The following PLAT variants were observed in gnomAD, a reference collection of about 807,000 sequenced individuals.
PLAT encodes tissue-type plasminogen activator.
Under a neutral mutation model 74.9 loss-of-function variants are expected in PLAT, and 48 were observed. The observed-to-expected ratio is 0.64, with a 90% CI of 0.51 to 0.82. The LOEUF (loss-of-function observed/expected upper bound fraction) is 0.82, where lower values mean the gene tolerates loss of function less well. Ranked by LOEUF, PLAT falls within the 40% of genes least tolerant of loss-of-function variation. PLAT has a pLI of 0.00. For synonymous variants in PLAT, 307 were observed against 294.4 expected (o/e 1.04, Z -0.44); for missense variants, 673 against 736.2 (o/e 0.91, Z 0.99).
chr8:42,193,313 TG>T (rs1805758477), intron 1 of PLAT, 102 bp from the exon 2 acceptor site: 2 of 714,304 alleles, frequency 2.8e-6, no homozygotes, highest in Non-Finnish European at 4.9e-6. Context: ...CTTCCTCCAG[TG>T]CCAGCCCCGC....
Position 42,187,446 on chromosome 8 carries a change from C to T in PLAT, c.491G>A (p.Arg164Gln), listed in dbSNP as rs148679956. Residue 164 changes from arginine (R) to glutamine (Q), a missense_variant, in exon 6 of 14, where the codon CGG (arginine) becomes CAG (glutamine). Physicochemically the swap from Arg to Gln is conservative, Grantham distance 43 (BLOSUM62 1). Transcript: ENST00000220809. ...GCCCAGCCTGATGGCGTCTGGCCTCCGCCCGCTGTAGGGCTTCTGGGCCAA... is the reference window on the plus strand; with the variant it reads ...GCCCAGCCTGATGGCGTCTGGCCTCTGCCCGCTGTAGGGCTTCTGGGCCAA... ...SALAQKPYSG[R>Q]RPDAIRLGLG... 3.2e-5 allele frequency: 51 copies of T among 1,603,442 alleles called. No individual in the cohort carries two copies. Among genetic ancestry groups the T allele is most frequent in the Middle Eastern group, 3.3e-4 (2 of 6,076 alleles).
At chr8:42,179,866 G>A in intron 12 of PLAT, 60 bp downstream of exon 12, 1 of 1,467,858 alleles carries the variant, frequency 6.8e-7, no homozygotes. Context: ...TCCTCTGGTG[G>A]ACCGCAGCCT....
intron 7 of PLAT, among the ~76,000 whole-genome samples, chr8:42,184,403 A>G (rs1429423794): frequency 1.3e-5 from 2 of 152,092 alleles, no homozygotes; most frequent in Non-Finnish European, 2.9e-5. Flanking sequence ...TCTATCACCC[A>G]GGCTGGAGTG....
chr8:42,189,261 T>A (rs928496317), intron 3 of PLAT, among the ~76,000 whole-genome samples, 190 bp from the exon 4 acceptor site: 3 of 152,132 alleles, frequency 2.0e-5, no homozygotes, highest in Non-Finnish European at 4.4e-5. Flanking sequence ...CTGATGCTGG[T>A]AATCCCAGCA....
At chr8:42,189,482 C>G (rs145768994) in intron 3 of PLAT, among the ~76,000 whole-genome samples, 1,575 of 151,820 alleles carry the variant, frequency 0.01, 12 homozygotes, top group Non-Finnish European at 0.018. Flanking sequence ...TGTACCACTG[C>G]ACTCCAGCCT....
intron 5 of PLAT, 80 bp from the exon 6 acceptor site, chr8:42,187,652 G>A (rs1009147556): frequency 2.9e-5 from 39 of 1,352,880 alleles, no homozygotes; most frequent in East Asian, 9.6e-5. Flanking sequence ...TCTCTGCCCC[G>A]TCCTCCCCCA....
intron 5 of PLAT, 130 bp from the exon 6 acceptor site, chr8:42,187,702 G>A: frequency 1.1e-6 from 1 of 911,852 alleles, no homozygotes; most frequent in Non-Finnish European, 1.6e-6. Context: ...AGGCTGGGTG[G>A]CAAGGGTGCC....
chr8:42,186,999 ATC>A (rs921915950), intron 6 of PLAT: 2 of 158,810 alleles, frequency 1.3e-5, no homozygotes, highest in African/African-American at 4.9e-5. Flanking sequence ...CTTTCTAATC[ATC>A]TGTCTATCAT....
At chr8:42,203,986 T>C (rs972774014) in intron 1 of PLAT, among the ~76,000 whole-genome samples, 49 of 120,068 alleles carry the variant, frequency 4.1e-4, no homozygotes, top group African/African-American at 2.5e-3. Flanking sequence ...TATATATATA[T>C]ATATATACAC....
intron 1 of PLAT, among the ~76,000 whole-genome samples, chr8:42,203,990 T>TACACACAC (rs1476463301): frequency 1.4e-4 from 17 of 121,116 alleles, no homozygotes; most frequent in African/African-American, 6.4e-4. Context: ...TATATATATA[T>TACACACAC]ATACACACAC....
intron 1 of PLAT, among the ~76,000 whole-genome samples, chr8:42,194,175 C>T (rs1805805698): frequency 6.8e-6 from 1 of 147,972 alleles, no homozygotes; most frequent in African/African-American, 2.6e-5. Context: ...GCCTCAGCTT[C>T]CCAGAGCTGG....
chr8:42,197,282 T>C (rs1805946637), intron 1 of PLAT, among the ~76,000 whole-genome samples: 1 of 152,230 alleles, frequency 6.6e-6, no homozygotes, highest in Non-Finnish European at 1.5e-5. Flanking sequence ...CCAACCTGCA[T>C]GTGCATCCTG....
At chr8:42,206,345 C>A (rs2979901) in intron 1 of PLAT, among the ~76,000 whole-genome samples, 1 of 152,196 alleles carries the variant, frequency 6.6e-6, no homozygotes, top group African/African-American at 2.4e-5. Flanking sequence ...TGGAGTCCGA[C>A]TCTGCCTGCA....
intron 1 of PLAT, among the ~76,000 whole-genome samples, chr8:42,204,496 T>C (rs1454685396): frequency 1.3e-5 from 2 of 152,040 alleles, no homozygotes; most frequent in South Asian, 2.1e-4. Flanking sequence ...CCCAATACTT[T>C]GCGAGGCCAA....
At chr8:42,193,254 G>T in intron 1 of PLAT, 43 bp from the exon 2 acceptor site, 1 of 1,254,828 alleles carries the variant, frequency 8.0e-7, no homozygotes, top group Non-Finnish European at 1.2e-6. Flanking sequence ...GGTGCGAGAG[G>T]TCCATGATGG....
intron 4 of PLAT, chr8:42,188,571 C>T (rs8178743): frequency 0.043 from 8,305 of 191,822 alleles, 711 homozygotes; most frequent in African/African-American, 0.18. Context: ...CCCCTGAACT[C>T]GAAGTCTCAG....
At chr8:42,187,027 TATC>T (rs899350311) in intron 6 of PLAT, 8 of 176,678 alleles carry the variant, frequency 4.5e-5, no homozygotes, top group African/African-American at 1.2e-4. Context: ...ACCTATCATC[TATC>T]ATCTATCCAT....
At chr8:42,178,847 G>A in intron 13 of PLAT, 50 bp downstream of exon 13, 1 of 1,559,772 alleles carries the variant, frequency 6.4e-7, no homozygotes, top group Non-Finnish European at 8.7e-7. Flanking sequence ...TTGTCCCAGG[G>A]GCATTCTCCC....
chr8:42,196,921 TGAAA>T (rs1439770072), intron 1 of PLAT, among the ~76,000 whole-genome samples: 1 of 149,658 alleles, frequency 6.7e-6, no homozygotes, highest in Non-Finnish European at 1.5e-5. Flanking sequence ...AAAGAAAGGA[TGAAA>T]GAAAGGAAGG....
Sources: gnomAD v4.1 joint callset for allele counts (sites outside exome capture counted in the v4.1 genomes callset) on GRCh38, gnomAD v4.1.1 for gene constraint, MANE v1.5 for transcripts, NCBI Gene and HGNC (gene_info 2026-07-23, HGNC 2026-07-21) for gene names.